SNAP25: variants seen among roughly 807,000 people sequenced by gnomAD.
The protein encoded by SNAP25 is synaptosome associated protein 25.
In SNAP25, 3 loss-of-function variants were observed where a neutral mutation model predicts 28.7. The ratio of observed to expected loss-of-function variants is 0.10; its 90% CI spans 0.05 to 0.27. SNAP25 has a LOEUF of 0.27. SNAP25 is among the 10% of genes least tolerant of loss of function. The pLI is 1.00. For missense variants in SNAP25, 117 were observed against 278.7 expected (o/e 0.42, Z 4.13); for synonymous variants, 61 against 88.1 (o/e 0.69, Z 1.72).
chr20:10,232,768 C>A (rs2062849453), intron 1 of SNAP25, among the ~76,000 whole-genome samples: 1 of 152,092 alleles, frequency 6.6e-6, no homozygotes, highest in South Asian at 2.1e-4. Context: ...AGGATAGAGA[C>A]ATAGAGTGAT....
chr20:10,221,825 A>G (rs1334088060), intron 1 of SNAP25, among the ~76,000 whole-genome samples: 1 of 152,276 alleles, frequency 6.6e-6, no homozygotes, highest in Non-Finnish European at 1.5e-5. Context: ...GAAGCTGCGT[A>G]AGCAGTCAGC....
At position 10,275,436 on chromosome 20, in the gene SNAP25, G is replaced by C; in HGVS notation, c.-56G>C. On this transcript the variant is annotated 5_prime_UTR_variant, in exon 2 of 8. Transcript: ENST00000254976. The stretch of plus-strand genomic sequence containing the variant: ...ATATCTACTTCTTCCCAGGTCCAGA[G>C]CCAAACCCGTCACTGACCCCCCAGC... 2 of 1,521,024 alleles carry C rather than the reference G, an allele frequency of 1.3e-6. No homozygotes were observed. Among genetic ancestry groups the C allele is most frequent in the South Asian group, 2.4e-5 (2 of 83,016 alleles). The allele number at this position is 1,521,024 out of a possible 1,614,324, so 94.2% of individuals were successfully genotyped here. A position where few individuals can be genotyped will look rare whatever the true frequency, so the allele number is the denominator to read the frequency against.
At chr20:10,275,383 A>G (rs529370300) in intron 1 of SNAP25, 46 bp from the exon 2 acceptor site, 5 of 951,954 alleles carry the variant, frequency 5.3e-6, no homozygotes, top group East Asian at 2.8e-5. Flanking sequence ...ACACACCTAC[A>G]TGAACATATA....
intron 7 of SNAP25, among the ~76,000 whole-genome samples, chr20:10,305,752 T>A (rs1192529923): frequency 6.6e-6 from 1 of 152,064 alleles, no homozygotes; most frequent in Non-Finnish European, 1.5e-5. Context: ...GTATAAGAAG[T>A]GTAATTCAAC....
rs2063681739 is a variant in SNAP25, at chr20:10,275,753, A to G, written c.72+190A>G. Among the ~76,000 whole-genome samples the G allele has an allele frequency of 2.0e-5, 3 of 152,224 alleles. No individual in the cohort carries two copies. In the South Asian group the frequency reaches 6.2e-4, roughly 32 times the overall value. On this transcript the variant is annotated intron_variant, in intron 2 of 7. Coordinates refer to ENST00000254976, the MANE Select transcript of SNAP25 (RefSeq NM_130811.4). ...TAAGTTGATTATAGAAGCTGCATAC[A>G]AATTACTGTCTTGGCCCTAACTCTC...
intron 1 of SNAP25, among the ~76,000 whole-genome samples, chr20:10,232,243 ATTG>A (rs78572039): frequency 2.8e-3 from 422 of 152,286 alleles, no homozygotes; most frequent in Non-Finnish European, 4.9e-3. Flanking sequence ...GGAACTGACA[ATTG>A]TTGTCTGTAT....
chr20:10,244,880 G>A (rs972313328), intron 1 of SNAP25, among the ~76,000 whole-genome samples: 4 of 151,848 alleles, frequency 2.6e-5, no homozygotes, highest in Admixed American at 6.6e-5. Context: ...ACAGGCACGC[G>A]CCACCAAGCC....
intron 4 of SNAP25, among the ~76,000 whole-genome samples, chr20:10,285,904 G>A (rs939896573): frequency 3.9e-5 from 6 of 152,188 alleles, no homozygotes; most frequent in African/African-American, 7.2e-5. Context: ...ATAATAACCA[G>A]TGTTGTGAAT....
chr20:10,252,995 G>T (rs542289814), intron 1 of SNAP25, among the ~76,000 whole-genome samples: 2 of 152,034 alleles, frequency 1.3e-5, no homozygotes, highest in African/African-American at 4.8e-5. Flanking sequence ...ATGCATTTGG[G>T]TGCTTAGCAC....
chr20:10,256,894 A>G (rs530102432), intron 1 of SNAP25, among the ~76,000 whole-genome samples: 5 of 152,378 alleles, frequency 3.3e-5, no homozygotes, highest in African/African-American at 1.2e-4. Flanking sequence ...AATGTCTAAT[A>G]TATGAAAATT....
intron 1 of SNAP25, among the ~76,000 whole-genome samples, chr20:10,249,633 C>A (rs2063189831): frequency 6.6e-6 from 1 of 152,096 alleles, no homozygotes; most frequent in Non-Finnish European, 1.5e-5. Context: ...TCCATCCTTC[C>A]TGCTCAGTGT....
chr20:10,284,574 C>T (rs2063839315), intron 3 of SNAP25, 150 bp from the exon 4 acceptor site: 2 of 674,178 alleles, frequency 3.0e-6, no homozygotes, highest in Non-Finnish European at 5.3e-6. Context: ...CTCCATAACC[C>T]CTCAGGGCTC....
intron 1 of SNAP25, among the ~76,000 whole-genome samples, chr20:10,240,879 G>T (rs2063016023): frequency 6.6e-6 from 1 of 152,196 alleles, no homozygotes; most frequent in Non-Finnish European, 1.5e-5. Flanking sequence ...TTCAGTGTTT[G>T]CCATTAGCGA....
At chr20:10,246,288 C>A (rs76735885) in intron 1 of SNAP25, among the ~76,000 whole-genome samples, 2 of 152,018 alleles carry the variant, frequency 1.3e-5, no homozygotes, top group African/African-American at 4.8e-5. Context: ...CGTGTGCGAG[C>A]GCATCCTGCA....
At chr20:10,271,613 G>A (rs1013150896) in intron 1 of SNAP25, among the ~76,000 whole-genome samples, 5 of 152,232 alleles carry the variant, frequency 3.3e-5, no homozygotes, top group African/African-American at 1.2e-4. Context: ...TGGATAGGCT[G>A]CTGTCAGCTT....
intron 7 of SNAP25, among the ~76,000 whole-genome samples, chr20:10,301,902 G>A (rs1184996019): frequency 1.4e-5 from 2 of 141,244 alleles, no homozygotes; most frequent in African/African-American, 2.7e-5. Context: ...ATATGTATAT[G>A]GTTATTATAT....
intron 1 of SNAP25, among the ~76,000 whole-genome samples, chr20:10,224,650 C>T (rs1380917143): frequency 6.6e-6 from 1 of 151,970 alleles, no homozygotes; most frequent in Non-Finnish European, 1.5e-5. Flanking sequence ...TCGCCTCCCT[C>T]ATCCCAATCC....
intron 1 of SNAP25, among the ~76,000 whole-genome samples, chr20:10,261,717 A>C (rs926462844): frequency 6.6e-6 from 1 of 152,212 alleles, no homozygotes; most frequent in Non-Finnish European, 1.5e-5. Flanking sequence ...TGATTTTAAA[A>C]AGACTTAGGG....
intron 1 of SNAP25, among the ~76,000 whole-genome samples, chr20:10,254,611 T>C (rs1384795253): frequency 6.6e-6 from 1 of 152,198 alleles, no homozygotes; most frequent in East Asian, 1.9e-4. Context: ...TCTGAAGTTC[T>C]TAGAAACACA....
Sources: gnomAD v4.1 joint callset for allele counts (sites outside exome capture counted in the v4.1 genomes callset) on GRCh38, gnomAD v4.1.1 for gene constraint, MANE v1.5 for transcripts, NCBI Gene and HGNC (gene_info 2026-07-23, HGNC 2026-07-21) for gene names.